The following PTPRN2 variants were observed in gnomAD, a reference collection of about 807,000 sequenced individuals.
PTPRN2 encodes protein tyrosine phosphatase receptor type N2.
PTPRN2 carries 74 observed loss-of-function variants against 118.8 expected under a neutral mutation model. The observed-to-expected ratio is 0.62, with a 90% CI of 0.52 to 0.76. The LOEUF is 0.76. Among genes scored for constraint, PTPRN2 ranks in the 30% least tolerant of loss-of-function variants. The probability of loss-of-function intolerance (pLI) is 0.00; values close to 1 mark genes in which losing one functional copy is unlikely to be tolerated. For missense variants in PTPRN2, 1,481 were observed against 1,394.4 expected, an observed-to-expected ratio of 1.06 and a Z score of -0.99; for synonymous variants, 641 against 608.0, an observed-to-expected ratio of 1.05 and a Z score of -0.80.
intron 2 of PTPRN2, among the ~76,000 whole-genome samples, chr7:158,336,599 CCA>C (rs1326137816): frequency 4.2e-5 from 6 of 144,048 alleles, no homozygotes; most frequent in African/African-American, 1.3e-4. Context: ...TCATTCACAC[CCA>C]CACTCTCACC....
intron 2 of PTPRN2, among the ~76,000 whole-genome samples, chr7:158,448,238 G>C (rs1196976885): frequency 6.6e-6 from 1 of 152,262 alleles, no homozygotes; most frequent in Non-Finnish European, 1.5e-5. Flanking sequence ...AGAACACAGA[G>C]AGAAGTGGAC....
At chr7:158,330,489 G>C (rs370163761) in intron 2 of PTPRN2, among the ~76,000 whole-genome samples, 2 of 71,028 alleles carry the variant, frequency 2.8e-5, no homozygotes, top group African/African-American at 4.7e-5. Flanking sequence ...ACCCTAAGAG[G>C]TGACATCTGC....
chr7:158,159,843 G>T (rs6972212), intron 6 of PTPRN2, among the ~76,000 whole-genome samples: 1 of 152,188 alleles, frequency 6.6e-6, no homozygotes, highest in African/African-American at 2.4e-5. Flanking sequence ...GAGAAGCAGC[G>T]TATAAATATT....
At chr7:158,010,865 A>T (rs1047985367) in intron 11 of PTPRN2, among the ~76,000 whole-genome samples, 42 of 152,246 alleles carry the variant, frequency 2.8e-4, no homozygotes, top group Non-Finnish European at 1.2e-4. Flanking sequence ...AGCACCTCAG[A>T]TGCTGCAAAG....
At chr7:158,297,241 A>G (rs1800566886) in intron 3 of PTPRN2, among the ~76,000 whole-genome samples, 1 of 152,216 alleles carries the variant, frequency 6.6e-6, no homozygotes, top group Non-Finnish European at 1.5e-5. Flanking sequence ...CAGATTGATC[A>G]TCATTCAGAG....
In PTPRN2 at chr7:158,216,659, A is replaced by G. The variant is rs541817619; in HGVS notation, c.278-11386T>C. Among the ~76,000 whole-genome samples the G allele has an allele frequency of 2.6e-5, 4 of 152,326 alleles. No individual in the cohort carries two copies. In the East Asian group the frequency reaches 7.7e-4, roughly 29 times the overall value. The stretch of plus-strand genomic sequence containing the variant: ...AAATAGGTCAACCCACTAAGAAGAT[A>G]CAGCAATCCTATATATGAATTATAT... On this transcript the variant is annotated intron_variant, in intron 3 of 22. Coordinates refer to ENST00000389418, the MANE Select transcript of PTPRN2 (RefSeq NM_002847.5).
At chr7:157,646,922 A>C (rs1296069688) in intron 14 of PTPRN2, among the ~76,000 whole-genome samples, 1 of 147,856 alleles carries the variant, frequency 6.8e-6, no homozygotes, top group Non-Finnish European at 1.5e-5. Context: ...TGTGCACTGA[A>C]CTCGGTGGGT....
At chr7:157,985,812 C>T (rs899182678) in intron 11 of PTPRN2, among the ~76,000 whole-genome samples, 2 of 152,170 alleles carry the variant, frequency 1.3e-5, no homozygotes, top group South Asian at 2.1e-4. Context: ...GGAGACCAGC[C>T]GGATAGCCCA....
chr7:157,857,469 G>C (rs994112750), intron 12 of PTPRN2: 1 of 152,298 alleles, frequency 6.6e-6, no homozygotes, highest in Non-Finnish European at 1.5e-5. Flanking sequence ...GGCTCGGCGC[G>C]TGATGGAGGA....
intron 11 of PTPRN2, among the ~76,000 whole-genome samples, chr7:157,988,094 G>T (rs1341979597): frequency 6.6e-6 from 1 of 152,290 alleles, no homozygotes; most frequent in East Asian, 1.9e-4. Flanking sequence ...TCATGCAGAC[G>T]GAGAGGAGAA....
intron 12 of PTPRN2, among the ~76,000 whole-genome samples, chr7:157,767,337 C>T (rs1042669100): frequency 5.3e-5 from 8 of 152,230 alleles, no homozygotes; most frequent in African/African-American, 1.4e-4. Context: ...TTCCCTGTTC[C>T]TCCTGGCATC....
At chr7:157,976,656 A>G (rs964012707) in intron 11 of PTPRN2, among the ~76,000 whole-genome samples, 1 of 151,836 alleles carries the variant, frequency 6.6e-6, no homozygotes, top group Admixed American at 6.6e-5. Context: ...CCCTGCCTCC[A>G]GCGTCTGCCG....
chr7:158,041,831 T>C lies in PTPRN2; in HGVS notation c.1723+39467A>G, dbSNP rs117412208. 3.6e-4 allele frequency among the ~76,000 whole-genome samples: 55 copies of C among 152,338 alleles called. No individual in the cohort carries two copies. The East Asian group carries it at 0.01, about 29-fold the overall frequency. ...TGAGGCCAGCTCTAAGTCTTTGCTG[T>C]CATTGACATGTGACCCTTCCCAATC... On this transcript the variant is annotated intron_variant, in intron 11 of 22. Coordinates refer to ENST00000389418, the MANE Select transcript of PTPRN2 (RefSeq NM_002847.5).
rs369027029 is a variant in PTPRN2 at position 157,960,897 on chromosome 7, C to T, written c.1724-62160G>A. Among the ~76,000 whole-genome samples the T allele has an allele frequency of 5.7e-4, 87 of 152,284 alleles. 1 individual carries two copies. The South Asian group carries it at 0.017, about 30-fold the overall frequency. ...TGATGGGCGCCTGTAATCCCAGCTA[C>T]TCTGGAGGCTGAGGCAGGAGAATCA... On this transcript the variant is annotated intron_variant, in intron 11 of 22. Coordinates refer to ENST00000389418, the MANE Select transcript of PTPRN2 (RefSeq NM_002847.5).
chr7:157,725,931 C>G (rs1585314810), intron 12 of PTPRN2, among the ~76,000 whole-genome samples: 1 of 99,424 alleles, frequency 1.0e-5, no homozygotes, highest in Non-Finnish European at 2.2e-5. Flanking sequence ...GAGGAGTGAG[C>G]CAGACCCTCG....
chr7:158,315,296 C>A (rs1487304063), intron 3 of PTPRN2, among the ~76,000 whole-genome samples: 1 of 101,914 alleles, frequency 9.8e-6, no homozygotes, highest in Non-Finnish European at 2.1e-5. Flanking sequence ...CCGGGACCCC[C>A]TGAAGGACAG....
At position 157,603,948 on chromosome 7, in the gene PTPRN2, C is replaced by T. The variant is rs890658905; in HGVS notation, c.2418+54G>A. 38 of 1,522,876 alleles carry T rather than the reference C, an allele frequency of 2.5e-5. No homozygotes were observed. Among genetic ancestry groups the T allele is most frequent in the African/African-American group, 8.2e-5 (6 of 73,000 alleles). 94.3% of individuals were successfully genotyped at this position (1,522,876 alleles called of 1,614,324 possible). A position where few individuals can be genotyped will look rare whatever the true frequency, so the allele number is the denominator to read the frequency against. ...GAGAACCTTCCCACGTGATTTGCCG[C>T]GTCCGTGCCACCCAAGGGAAAGCCT... is the stretch of plus-strand genomic sequence containing the variant. On this transcript the variant is annotated intron_variant, in intron 16 of 22. Coordinates refer to ENST00000389418, the MANE Select transcript of PTPRN2 (RefSeq NM_002847.5). This position sits in a 1 kb window ranked among gnomAD's most constrained non-coding sequence, Gnocchi z 5.4.
intron 3 of PTPRN2, among the ~76,000 whole-genome samples, chr7:158,250,614 C>T (rs1189413611): frequency 6.6e-6 from 1 of 152,040 alleles, no homozygotes; most frequent in African/African-American, 2.4e-5. Context: ...TGATAGAAAA[C>T]AACGATTTTT....
chr7:158,288,924 G>A (rs1436145756), intron 3 of PTPRN2, among the ~76,000 whole-genome samples: 2 of 152,096 alleles, frequency 1.3e-5, no homozygotes, highest in Non-Finnish European at 1.5e-5. Context: ...CTTCATTTCT[G>A]AAGAACAGCT....
Sources: gnomAD v4.1 joint callset for allele counts (sites outside exome capture counted in the v4.1 genomes callset) on GRCh38, gnomAD v4.1.1 for gene constraint, Gnocchi (gnomAD v3.1) non-coding constraint, MANE v1.5 for transcripts, NCBI Gene and HGNC (gene_info 2026-07-23, HGNC 2026-07-21) for gene names.